RPAP1: variants seen among roughly 807,000 people sequenced by gnomAD.
RPAP1 encodes RNA polymerase II-associated protein 1.
RPAP1 carries 109 observed loss-of-function variants against 142.4 expected under a neutral mutation model. That is an observed-to-expected ratio of 0.77 (90% CI 0.66 to 0.90). The LOEUF is 0.90. Ranked by LOEUF, RPAP1 falls within the 40% of genes least tolerant of loss-of-function variation. The pLI is 0.00. For synonymous variants in RPAP1, 704 were observed against 738.9 expected, an observed-to-expected ratio of 0.95 and a Z score of 0.77; for missense variants, 1,546 against 1,751.7, an observed-to-expected ratio of 0.88 and a Z score of 2.10.
In RPAP1 at chr15:41,527,293, C is replaced by T. The variant is rs1480592540; in HGVS notation, c.1620G>A (p.Leu540=). ...GCAGCCGAGGCAGCAGGCTGGTAGC[C>T]AGGAGCCCCTGGGAGTTGGAGAGAG... ...LARHDVIKGL[L]ATSLLPRLRY... Residue 540 remains leucine, a synonymous_variant, in exon 13 of 25, where the codon CTG becomes CTA. Transcript: ENST00000304330. 6.2e-7 allele frequency: 1 copy of T among 1,614,018 alleles called. No individual in the cohort carries two copies. The highest frequency in any genetic ancestry group is 8.5e-7 in the Non-Finnish European group (1 of 1,180,028).
intron 6 of RPAP1, among the ~76,000 whole-genome samples, chr15:41,531,623 ATATATTTTTTTTTTTT>A (rs1439057431): frequency 8.5e-4 from 30 of 35,372 alleles, no homozygotes; most frequent in Admixed American, 1.5e-3. Flanking sequence ...ATATATATAT[ATATATTTTTTTTTTTT>A]TTTTTTTTTT....
Position 41,527,015 on chromosome 15 carries a change from G to A in RPAP1, c.1800C>T (p.Thr600=). 1.2e-6 allele frequency: 2 copies of A among 1,614,196 alleles called. No homozygotes were observed. The highest frequency in any genetic ancestry group is 1.3e-5 in the African/African-American group (1 of 75,046). ...GCCCTGCCCCCACAGGAGACCAACT[G>A]GTGGGCAAGAACTCTCGAACTATAG... ...IETIVREFLP[T]SWSPVGAGPT... Residue 600 remains threonine (T), a synonymous_variant, in exon 14 of 25, where the codon ACC becomes ACT. Coordinates refer to ENST00000304330, the MANE Select transcript of RPAP1 (RefSeq NM_015540.4).
At chr15:41,530,395 G>A (rs923646661) in intron 7 of RPAP1, among the ~76,000 whole-genome samples, 1 of 152,146 alleles carries the variant, frequency 6.6e-6, no homozygotes, top group Non-Finnish European at 1.5e-5. Context: ...TGCTCCTGGG[G>A]GGCAGGATAC....
chr15:41,520,285 G>C lies in RPAP1; in HGVS notation c.3795+106C>G, dbSNP rs773706378. ...CTTAATCCCCTCAAAGCCCCCAAGA[G>C]GTAAGATGAGGAAGCTGAGGTCTTC... On this transcript the variant is annotated intron_variant, in intron 22 of 24. Transcript: ENST00000304330. 18 of 1,258,164 alleles carry C rather than the reference G, an allele frequency of 1.4e-5. No individual in the cohort carries two copies. The East Asian group carries it at 4.5e-4, about 32-fold the overall frequency. 77.9% of individuals were successfully genotyped at this position (1,258,164 alleles called of 1,614,324 possible). A position where few individuals can be genotyped will look rare whatever the true frequency, so the allele number is the denominator to read the frequency against.
chr15:41,540,823 C>A (rs117104219), intron 1 of RPAP1, among the ~76,000 whole-genome samples: 2,657 of 152,170 alleles, frequency 0.017, 46 homozygotes, highest in South Asian at 0.052. Context: ...AAAGAATCTC[C>A]TGAAGAGCAA....
Position 41,522,870 on chromosome 15 carries a change from G to A in RPAP1, c.2637C>T (p.Cys879=), listed in dbSNP as rs1240218175. 2.5e-6 allele frequency: 4 copies of A among 1,580,534 alleles called. No individual in the cohort carries two copies. The Admixed American group carries it at 6.0e-5, about 24-fold the overall frequency. Residue 879 remains cysteine (C), a synonymous_variant, in exon 19 of 25, where the codon TGC becomes TGT. Coordinates refer to ENST00000304330, the MANE Select transcript of RPAP1 (RefSeq NM_015540.4). The part of the protein sequence containing the change: ...SLVSLGCSGG[C]PRLSLAGSAS... ...CTGAGCCAGCCAGACTGAGACGGGG[G>A]CAGCCTCCCGAGCAGCCCAGTGACA... is the stretch of plus-strand genomic sequence containing the variant.
chr15:41,536,904 T>A, intron 2 of RPAP1, 41 bp downstream of exon 2: 1 of 1,597,336 alleles, frequency 6.3e-7, no homozygotes, highest in Non-Finnish European at 8.6e-7. Context: ...CCCGAGGCTG[T>A]ACCCTCTCTA....
chr15:41,537,966 G>T (rs778173848), intron 1 of RPAP1, among the ~76,000 whole-genome samples: 1 of 151,652 alleles, frequency 6.6e-6, no homozygotes, highest in Non-Finnish European at 1.5e-5. Context: ...TGCATTGGCC[G>T]GATGCGGTGG....
At chr15:41,519,354 T>G (rs149674428) in intron 22 of RPAP1, among the ~76,000 whole-genome samples, 2 of 151,800 alleles carry the variant, frequency 1.3e-5, no homozygotes, top group African/African-American at 2.4e-5. Flanking sequence ...ATTACAGGCA[T>G]GCACCACGAC....
At chr15:41,521,515 A>G (rs1190260548) in intron 21 of RPAP1, among the ~76,000 whole-genome samples, 1 of 152,214 alleles carries the variant, frequency 6.6e-6, no homozygotes, top group African/African-American at 2.4e-5. Context: ...TTTAGATACC[A>G]TTTTTTTAGC....
intron 19 of RPAP1, 57 bp from the exon 20 acceptor site, chr15:41,522,307 T>TC: frequency 6.5e-7 from 1 of 1,532,076 alleles, no homozygotes; most frequent in Non-Finnish European, 8.8e-7. Flanking sequence ...CTTCTAGGGC[T>TC]CCCCAGGTGG....
At position 41,523,286 on chromosome 15, in the gene RPAP1, C is replaced by T. The variant is rs773361931; in HGVS notation, c.2505G>A (p.Leu835=). The change falls in exon 18 of 25, where the codon CTG becomes CTA. Residue 835 remains leucine, a synonymous_variant. Transcript: ENST00000304330. ...GGCTGCCCAGTGTGGGCTGACTCAG[C>T]AGTGGCAGCAGCAGCTCCTCTGACA... is the stretch of plus-strand genomic sequence containing the variant. The part of the protein sequence containing the change: ...QRLSEELLLP[L]LSQPTLGSLW... The T allele has an allele frequency of 1.2e-6, 2 of 1,612,160 alleles. No homozygotes were observed. Among genetic ancestry groups the T allele is most frequent in the East Asian group, 4.5e-5 (2 of 44,810 alleles).
chr15:41,518,471 T>G (rs2051690671), intron 22 of RPAP1: 2 of 251,570 alleles, frequency 8.0e-6, no homozygotes, highest in Non-Finnish European at 1.5e-5. Context: ...CACACGAAAT[T>G]AGGAATTCAA....
rs376676097 is a variant in RPAP1, at chr15:41,520,417, G to A, written c.3769C>T (p.Arg1257Ter). Residue 1257 changes from arginine to a stop codon, truncating the protein, a stop_gained, in exon 22 of 25, where the codon CGA (arginine) becomes TGA (stop). Coordinates refer to ENST00000304330, the MANE Select transcript of RPAP1 (RefSeq NM_015540.4). LOFTEE classifies it high-confidence loss of function. ...ALFGEHVGAL[R>*]ALSLPLTQLP... The stretch of plus-strand genomic sequence containing the variant: ...TGGGTCAGAGGCAGGCTCAGAGCTC[G>A]CAAGGCTCCCACGTGTTCCCCAAAG... The A allele has an allele frequency of 3.1e-6, 5 of 1,613,614 alleles. No homozygotes were observed. In the East Asian group the frequency reaches 6.7e-5, roughly 22 times the overall value.
chr15:41,541,679 C>G (rs1246000552), intron 1 of RPAP1, among the ~76,000 whole-genome samples: 1 of 151,908 alleles, frequency 6.6e-6, no homozygotes, highest in Admixed American at 6.6e-5. Context: ...AATGCCGTCT[C>G]TACTAAAAAT....
chr15:41,525,148 A>G lies in RPAP1; in HGVS notation c.1918T>C (p.Leu640=). 1.2e-6 allele frequency: 2 copies of G among 1,606,228 alleles called. No homozygotes were observed. Among genetic ancestry groups the G allele is most frequent in the South Asian group, 1.1e-5 (1 of 89,722 alleles). The change falls in exon 15 of 25, where the codon TTG becomes CTG. Residue 640 remains leucine (L), a splice_region_variant and synonymous_variant. Transcript: ENST00000304330. ...CGGCTCCGGAGATCAAAGCTGCTCA[A>G]CTGGAAATGGGCACAGTCTGAGGAT... ...SAGRNIAARL[L]SSFDLRSRLC...
chr15:41,517,304 A>G lies in RPAP1; in HGVS notation c.*238T>C. The G allele has an allele frequency of 2.5e-6, 1 of 393,688 alleles. No individual in the cohort carries two copies. 24.4% of individuals were successfully genotyped at this position (393,688 alleles called of 1,614,324 possible). A position where few individuals can be genotyped will look rare whatever the true frequency, so the allele number is the denominator to read the frequency against. On this transcript the variant is annotated 3_prime_UTR_variant, in exon 25 of 25. Transcript: ENST00000304330. ...TTTGCCCTGTCCCCAAAGAGCGGGT[A>G]AATAGCTAAGCCACTCTTCACTCCC...
intron 22 of RPAP1, among the ~76,000 whole-genome samples, chr15:41,519,237 C>A (rs2051700326): frequency 6.6e-6 from 1 of 151,738 alleles, no homozygotes; most frequent in African/African-American, 2.4e-5. Flanking sequence ...GATGGAGTTT[C>A]ACTCTTGTTG....
At chr15:41,542,771 CAG>C (rs1224913609) in intron 1 of RPAP1, among the ~76,000 whole-genome samples, 1 of 152,146 alleles carries the variant, frequency 6.6e-6, no homozygotes, top group East Asian at 1.9e-4. Context: ...AAGATTAGAA[CAG>C]AGTCTCATAC....
Sources: allele counts gnomAD v4.1 joint callset (sites outside exome capture counted in the v4.1 genomes callset), GRCh38; gene constraint gnomAD v4.1.1; transcripts MANE v1.5; gene names NCBI Gene and HGNC (gene_info 2026-07-23, HGNC 2026-07-21).